Variants in PDE4D observed in about 807,000 individuals in gnomAD.
PDE4D encodes the protein 3',5'-cyclic-AMP phosphodiesterase 4D.
In PDE4D, 24 loss-of-function variants were observed where a neutral mutation model predicts 87.4. The observed-to-expected ratio is 0.27, with a 90% confidence interval of 0.20 to 0.39. PDE4D has a LOEUF of 0.39. Ranked by LOEUF, PDE4D falls within the 10% of genes least tolerant of loss-of-function variation. The probability of loss-of-function intolerance (pLI) is 1.00; values close to 1 mark genes in which losing one functional copy is unlikely to be tolerated. For missense variants in PDE4D, 714 were observed against 1,041.0 expected (o/e 0.69, Z 4.32); for synonymous variants, 384 against 383.2 (o/e 1.00, Z -0.02).
intron 1 of PDE4D, among the ~76,000 whole-genome samples, chr5:60,360,219 T>G (rs1476049950): frequency 1.3e-5 from 2 of 152,150 alleles, no homozygotes; most frequent in Admixed American, 6.5e-5. Flanking sequence ...CTTTTTGAAG[T>G]CATGTACCAA....
At chr5:59,866,722 A>T (rs1383559853) in intron 1 of PDE4D, among the ~76,000 whole-genome samples, 1 of 152,216 alleles carries the variant, frequency 6.6e-6, no homozygotes, top group African/African-American at 2.4e-5. Flanking sequence ...AATATTCTGA[A>T]ATAGAAACAG....
At chr5:59,274,086 T>C (rs935028052) in intron 1 of PDE4D, among the ~76,000 whole-genome samples, 1 of 152,162 alleles carries the variant, frequency 6.6e-6, no homozygotes, top group African/African-American at 2.4e-5. Context: ...TTAGCTATGG[T>C]AATTCATACA....
At chr5:59,239,721 C>G (rs1001807758) in intron 1 of PDE4D, among the ~76,000 whole-genome samples, 24 of 152,112 alleles carry the variant, frequency 1.6e-4, no homozygotes, top group African/African-American at 5.8e-4. Context: ...TGCCATTTAG[C>G]TCCCCAAGCA....
rs189266847 is a variant in PDE4D, at chr5:60,160,325, A to G, written c.42+25232T>C. Among the ~76,000 whole-genome samples, 660 of 152,240 alleles carry G rather than the reference A, an allele frequency of 4.3e-3. 2 individuals are homozygous for G. Among genetic ancestry groups the G allele is most frequent in the Admixed American group, 7.2e-3 (110 of 15,290 alleles). On this transcript the variant is annotated intron_variant, in intron 2 of 16. Coordinates refer to the PDE4D transcript ENST00000502484. ...GATTTTCAGCTGCACAGGGGTTGGT[A>G]CCACTAACTCCCGTGATTTTCATGG...
intron 1 of PDE4D, among the ~76,000 whole-genome samples, chr5:59,364,051 C>T (rs1232542730): frequency 6.6e-6 from 1 of 152,144 alleles, no homozygotes; most frequent in Admixed American, 6.5e-5. Context: ...AATAGAAATC[C>T]AGATGTTTGA....
At chr5:60,373,404 C>T (rs1042510661) in intron 1 of PDE4D, among the ~76,000 whole-genome samples, 1 of 152,164 alleles carries the variant, frequency 6.6e-6, no homozygotes, top group African/African-American at 2.4e-5. Flanking sequence ...ATTTACTCTA[C>T]GTGTATAGAC....
intron 1 of PDE4D, among the ~76,000 whole-genome samples, chr5:60,213,469 T>G (rs542387649): frequency 6.6e-6 from 1 of 152,270 alleles, no homozygotes; most frequent in African/African-American, 2.4e-5. Flanking sequence ...TCTGGGATGA[T>G]TCTCTTGAGA....
Position 60,332,995 on chromosome 5 carries a change from A to T in PDE4D, c.-89-147308T>A, listed in dbSNP as rs548643679. 6.6e-5 allele frequency among the ~76,000 whole-genome samples: 10 copies of T among 152,336 alleles called. No individual in the cohort carries two copies. In the South Asian group the frequency reaches 2.1e-3, roughly 32 times the overall value. On this transcript the variant is annotated intron_variant, in intron 1 of 16. Coordinates refer to the PDE4D transcript ENST00000502484. The stretch of plus-strand genomic sequence containing the variant: ...ATGCAAAGCTTGGTGCAAGCTGCCC[A>T]GGCCAAGGCTGGCTCTAAGGCAGAT...
At chr5:59,850,770 A>G (rs1167963503) in intron 1 of PDE4D, among the ~76,000 whole-genome samples, 4 of 152,058 alleles carry the variant, frequency 2.6e-5, no homozygotes, top group Non-Finnish European at 1.5e-5. Flanking sequence ...GACATTGGAA[A>G]CAAGGACAGG....
At chr5:60,384,599 C>T (rs1762079102) in intron 1 of PDE4D, among the ~76,000 whole-genome samples, 1 of 152,162 alleles carries the variant, frequency 6.6e-6, no homozygotes, top group Admixed American at 6.5e-5. Context: ...CTGGCCCTTG[C>T]CTGGTGCTAC....
At chr5:59,299,667 T>C (rs1007519928) in intron 1 of PDE4D, among the ~76,000 whole-genome samples, 14 of 152,240 alleles carry the variant, frequency 9.2e-5, no homozygotes, top group Admixed American at 9.2e-4. Context: ...CAATGCCATT[T>C]CATTTTAGTA....
At chr5:59,416,456 A>G (rs1422102330) in intron 1 of PDE4D, among the ~76,000 whole-genome samples, 1 of 152,170 alleles carries the variant, frequency 6.6e-6, no homozygotes, top group Admixed American at 6.5e-5. Context: ...GTGTTTGAGA[A>G]CTGTTGACAA....
At position 60,242,329 on chromosome 5, in the gene PDE4D, C is replaced by A. The variant is rs569509735; in HGVS notation, c.-89-56642G>T. On this transcript the variant is annotated intron_variant, in intron 1 of 16. Coordinates refer to the PDE4D transcript ENST00000502484. ...TATTGGAGCACCCAGATATAAAAAG[C>A]AAATATTATTAGAGATAAAGAAACA... 3.4e-4 allele frequency among the ~76,000 whole-genome samples: 52 copies of A among 152,034 alleles called. 1 individual carries two copies. The highest frequency in any genetic ancestry group is 9.6e-4 in the African/African-American group (40 of 41,520).
intron 2 of PDE4D, among the ~76,000 whole-genome samples, chr5:60,140,674 A>G (rs1307171411): frequency 1.3e-5 from 2 of 152,144 alleles, no homozygotes; most frequent in East Asian, 3.8e-4. Flanking sequence ...TTAACGCATC[A>G]TGAAATTCCA....
chr5:59,713,870 G>A (rs928255987), intron 1 of PDE4D, among the ~76,000 whole-genome samples: 2 of 152,232 alleles, frequency 1.3e-5, no homozygotes, highest in African/African-American at 4.8e-5. Context: ...GAGGGATGCA[G>A]TGCAGGAAAG....
intron 1 of PDE4D, among the ~76,000 whole-genome samples, chr5:59,462,090 T>C (rs770357001): frequency 1.3e-5 from 2 of 152,154 alleles, no homozygotes; most frequent in Non-Finnish European, 2.9e-5. Flanking sequence ...ATTCATCACC[T>C]GTTTAGAATG....
At chr5:59,942,418 G>T (rs992752921) in intron 3 of PDE4D, among the ~76,000 whole-genome samples, 1 of 152,146 alleles carries the variant, frequency 6.6e-6, no homozygotes, top group Non-Finnish European at 1.5e-5. Flanking sequence ...TGCTCTGTGA[G>T]GTTTGCCCTC....
intron 2 of PDE4D, among the ~76,000 whole-genome samples, chr5:60,075,392 A>C (rs1773177645): frequency 6.6e-6 from 1 of 152,142 alleles, no homozygotes; most frequent in Non-Finnish European, 1.5e-5. Flanking sequence ...TGTCAGAAGG[A>C]CTTCCCTTTG....
intron 2 of PDE4D, among the ~76,000 whole-genome samples, chr5:60,147,212 A>G (rs796391854): frequency 5.3e-5 from 8 of 152,352 alleles, no homozygotes; most frequent in African/African-American, 1.9e-4. Flanking sequence ...TTTTGCTTAG[A>G]AGAAATACAA....
Sources: allele counts gnomAD v4.1 joint callset (sites outside exome capture counted in the v4.1 genomes callset), GRCh38; gene constraint gnomAD v4.1.1; transcripts MANE v1.5; gene names NCBI Gene and HGNC (gene_info 2026-07-23, HGNC 2026-07-21).